SSBP2: variants seen among roughly 807,000 people sequenced by gnomAD.
The protein encoded by SSBP2 is single-stranded DNA-binding protein 2.
A neutral mutation model predicts 61.8 loss-of-function variants in SSBP2; 17 were observed. The ratio of observed to expected loss-of-function variants is 0.28; its 90% CI spans 0.19 to 0.41. The LOEUF (loss-of-function observed/expected upper bound fraction) is 0.41. Ranked by LOEUF, SSBP2 falls within the 10% of genes least tolerant of loss-of-function variation. The probability of loss-of-function intolerance (pLI) is 1.00; values close to 1 mark genes in which losing one functional copy is unlikely to be tolerated. For synonymous variants in SSBP2, 139 were observed against 141.3 expected (o/e 0.98, Z 0.12); for missense variants, 310 against 458.7 (o/e 0.68, Z 2.96).
chr5:81,542,853 C>CTCTCTCTCTCTCTCTCTCTCTCTCT (rs1554083509), intron 4 of SSBP2, among the ~76,000 whole-genome samples: 1 of 146,668 alleles, frequency 6.8e-6, no homozygotes, highest in African/African-American at 2.6e-5. Flanking sequence ...CTCTCTCTCT[C>CTCTCTCTCTCTCTCTCTCTCTCTCT]CTTTCTTTCT....
chr5:81,439,712 CCCAGG>C (rs1762898363), intron 14 of SSBP2, among the ~76,000 whole-genome samples: 1 of 147,426 alleles, frequency 6.8e-6, no homozygotes, highest in Non-Finnish European at 1.5e-5. Context: ...TGCTCTGTCA[CCCAGG>C]CCAGAGTGCA....
chr5:81,552,016 A>G (rs1406234696), intron 4 of SSBP2, among the ~76,000 whole-genome samples: 1 of 152,230 alleles, frequency 6.6e-6, no homozygotes, highest in East Asian at 1.9e-4. Context: ...CACTTCACAC[A>G]CTGTGATCTC....
At chr5:81,633,586 G>C (rs550504772) in intron 3 of SSBP2, among the ~76,000 whole-genome samples, 21 of 151,908 alleles carry the variant, frequency 1.4e-4, no homozygotes, top group African/African-American at 4.6e-4. Flanking sequence ...TCTCAGGCTG[G>C]ATTCAAACAC....
chr5:81,534,401 T>C lies in SSBP2; in HGVS notation c.283-20684A>G, dbSNP rs578032646. ...ATCAGACTCAGATAAGGGAGCGATGTTGGAATATCAGACTGGGAATTTAAA... is the reference window on the plus strand; with the variant it reads ...ATCAGACTCAGATAAGGGAGCGATGCTGGAATATCAGACTGGGAATTTAAA... On this transcript the variant is annotated intron_variant, in intron 4 of 16. Coordinates refer to ENST00000320672, the MANE Select transcript of SSBP2 (RefSeq NM_012446.5). Among the ~76,000 whole-genome samples, 44 of 152,176 alleles carry C rather than the reference T, an allele frequency of 2.9e-4. No homozygotes were observed. In the South Asian group the frequency reaches 8.7e-3, roughly 30 times the overall value.
At chr5:81,516,175 CAAAT>C (rs978741720) in intron 4 of SSBP2, among the ~76,000 whole-genome samples, 14 of 151,932 alleles carry the variant, frequency 9.2e-5, no homozygotes, top group South Asian at 4.1e-4. Flanking sequence ...ACAAATCAAA[CAAAT>C]GAATGAATCC....
chr5:81,598,528 C>T (rs928794706), intron 4 of SSBP2, among the ~76,000 whole-genome samples: 7 of 152,120 alleles, frequency 4.6e-5, no homozygotes, highest in Admixed American at 1.3e-4. Context: ...GGGGATAATT[C>T]GTTATGCAAA....
intron 1 of SSBP2, among the ~76,000 whole-genome samples, chr5:81,749,433 G>A (rs995346631): frequency 6.6e-6 from 1 of 152,190 alleles, no homozygotes; most frequent in African/African-American, 2.4e-5. Flanking sequence ...AAAACTTTCA[G>A]GGGGAGACTA....
At chr5:81,469,482 T>C (rs996419279) in intron 8 of SSBP2, among the ~76,000 whole-genome samples, 12 of 151,968 alleles carry the variant, frequency 7.9e-5, no homozygotes, top group African/African-American at 2.9e-4. Flanking sequence ...TGCCTCTTTA[T>C]GTAATGGCTC....
intron 1 of SSBP2, among the ~76,000 whole-genome samples, chr5:81,674,077 T>C (rs889189948): frequency 6.6e-6 from 1 of 152,198 alleles, no homozygotes; most frequent in African/African-American, 2.4e-5. Context: ...AGGGAATACA[T>C]GATTTCAAGA....
At chr5:81,430,913 G>C (rs904087001) in intron 15 of SSBP2, among the ~76,000 whole-genome samples, 1 of 152,102 alleles carries the variant, frequency 6.6e-6, no homozygotes, top group African/African-American at 2.4e-5. Context: ...TTTTTAACTA[G>C]AGTAATCTCT....
At chr5:81,457,683 C>A (rs1032672824) in intron 10 of SSBP2, among the ~76,000 whole-genome samples, 3 of 151,416 alleles carry the variant, frequency 2.0e-5, no homozygotes, top group African/African-American at 7.3e-5. Context: ...TTTTTTGAGA[C>A]CGAGTTTTAC....
At chr5:81,513,748 A>AT in intron 4 of SSBP2, 31 bp from the exon 5 acceptor site, 1 of 1,466,428 alleles carries the variant, frequency 6.8e-7, no homozygotes, top group Non-Finnish European at 9.5e-7. Context: ...ACAAACCTAT[A>AT]TCATTACAGA....
At chr5:81,431,662 G>A (rs1762301589) in intron 15 of SSBP2, among the ~76,000 whole-genome samples, 1 of 151,756 alleles carries the variant, frequency 6.6e-6, no homozygotes. Context: ...ACAGCTCATT[G>A]CAGCCTTGGA....
At chr5:81,636,223 G>A (rs1395919688) in intron 3 of SSBP2, among the ~76,000 whole-genome samples, 12 of 152,112 alleles carry the variant, frequency 7.9e-5, no homozygotes, top group Non-Finnish European at 1.5e-5. Context: ...TATTTATCTT[G>A]TACTTCTAGC....
intron 1 of SSBP2, among the ~76,000 whole-genome samples, chr5:81,724,093 A>G (rs1390384178): frequency 6.6e-6 from 1 of 151,716 alleles, no homozygotes; most frequent in Non-Finnish European, 1.5e-5. Context: ...GCATAATACT[A>G]TGAAAGCACA....
At chr5:81,623,863 C>A (rs1429380922) in intron 3 of SSBP2, among the ~76,000 whole-genome samples, 1 of 152,034 alleles carries the variant, frequency 6.6e-6, no homozygotes. Context: ...ATAAGACCAA[C>A]CTTAGAGATT....
At chr5:81,435,805 T>A (rs1311286279) in intron 15 of SSBP2, among the ~76,000 whole-genome samples, 1 of 152,156 alleles carries the variant, frequency 6.6e-6, no homozygotes, top group Non-Finnish European at 1.5e-5. Flanking sequence ...TAAGAATCCA[T>A]CTGTAGATAC....
At chr5:81,731,188 T>C (rs956419643) in intron 1 of SSBP2, among the ~76,000 whole-genome samples, 7 of 152,238 alleles carry the variant, frequency 4.6e-5, no homozygotes, top group African/African-American at 9.6e-5. Flanking sequence ...ATCTATCTCA[T>C]TGGGACAGAA....
intron 6 of SSBP2, among the ~76,000 whole-genome samples, chr5:81,480,150 A>C (rs1380215318): frequency 6.6e-6 from 1 of 152,202 alleles, no homozygotes; most frequent in Non-Finnish European, 1.5e-5. Flanking sequence ...ATTTATTAAA[A>C]CAAATAATTA....
Sources: gnomAD v4.1 joint callset for allele counts (sites outside exome capture counted in the v4.1 genomes callset) on GRCh38, gnomAD v4.1.1 for gene constraint, MANE v1.5 for transcripts, NCBI Gene and HGNC (gene_info 2026-07-23, HGNC 2026-07-21) for gene names.